The following PRR12 variants were observed in gnomAD, a reference collection of about 807,000 sequenced individuals.
PRR12 encodes proline-rich protein 12.
Under a neutral mutation model 138.0 loss-of-function variants are expected in PRR12, and 12 were observed. The observed-to-expected ratio is 0.09, with a 90% CI of 0.06 to 0.14. The LOEUF is 0.14. Among genes scored for constraint, PRR12 ranks in the 10% least tolerant of loss-of-function variants. The pLI is 1.00. For missense variants in PRR12, 2,692 were observed against 2,861.3 expected (o/e 0.94, Z 1.35); for synonymous variants, 1,567 against 1,291.7 (o/e 1.21, Z -4.57).
intron 6 of PRR12, among the ~76,000 whole-genome samples, chr19:49,605,287 TG>T (rs1219293370): frequency 6.6e-6 from 1 of 151,850 alleles, no homozygotes; most frequent in Non-Finnish European, 1.5e-5. Context: ...TTTGAGATAG[TG>T]TTTCGCTCTT....
At position 49,615,781 on chromosome 19, in the gene PRR12, G is replaced by A. The variant is rs1186159489; in HGVS notation, c.5059G>A (p.Gly1687Arg). 1 of 1,613,006 alleles carries A rather than the reference G, an allele frequency of 6.2e-7. No homozygotes were observed. The highest frequency in any genetic ancestry group is 1.7e-5 in the Admixed American group (1 of 59,872). ...GCAGGCCAAGAACCCCGTATCTGCTGGGGGTAGCTCTGCACCTCCCCCTAA... is the reference window on the plus strand; with the variant it reads ...GCAGGCCAAGAACCCCGTATCTGCTAGGGGTAGCTCTGCACCTCCCCCTAA... ...SGQAKNPVSA[G>R]GSSAPPPKAP... Residue 1687 changes from glycine to arginine, a missense_variant, in exon 9 of 14, where the codon GGG becomes AGG. Around this residue, in one of 11 missense-constraint regions of PRR12, gnomAD observed 259 missense variants for 265.1 expected, o/e 0.98. Transcript: ENST00000418929.
At chr19:49,592,035 C>T (rs2080731433) in intron 1 of PRR12, among the ~76,000 whole-genome samples, 1 of 152,162 alleles carries the variant, frequency 6.6e-6, no homozygotes, top group Non-Finnish European at 1.5e-5. Context: ...GAAGCAAGGC[C>T]TGGACTTCCC....
At position 49,625,276 on chromosome 19, in the gene PRR12, G is replaced by A. The variant is rs1040494686; in HGVS notation, c.5964+76G>A. On this transcript the variant is annotated intron_variant, in intron 13 of 13. Coordinates refer to ENST00000418929, the MANE Select transcript of PRR12 (RefSeq NM_020719.3). The surrounding 1 kb of genome is among the most constrained non-coding windows in gnomAD (Gnocchi z 5.5). ...TTCCTCTTGGGATCTGAGGGTCCAA[G>A]CCCAGCCCCATCCTGCCTCAGACCC... 3 of 1,530,208 alleles carry A rather than the reference G, an allele frequency of 2.0e-6. No homozygotes were observed. The highest frequency in any genetic ancestry group is 2.7e-5 in the African/African-American group (2 of 72,738). The allele number at this position is 1,530,208 out of a possible 1,614,324, so 94.8% of individuals were successfully genotyped here.
At chr19:49,600,028 G>T in intron 5 of PRR12, 90 bp downstream of exon 5, 1 of 1,321,674 alleles carries the variant, frequency 7.6e-7, no homozygotes. Flanking sequence ...CTGTTTAAGA[G>T]ACACCATTCA....
chr19:49,612,121 T>C (rs1210830044), intron 6 of PRR12, among the ~76,000 whole-genome samples: 1 of 149,536 alleles, frequency 6.7e-6, no homozygotes, highest in African/African-American at 2.5e-5. Flanking sequence ...GTCCCAGCTA[T>C]TCGGGAGGCT....
At chr19:49,612,183 T>G (rs1448581753) in intron 6 of PRR12, among the ~76,000 whole-genome samples, 5 of 149,260 alleles carry the variant, frequency 3.3e-5, no homozygotes, top group Non-Finnish European at 7.4e-5. Context: ...TGAGCCGAGA[T>G]TGCGCCACTG....
chr19:49,602,047 C>A, intron 6 of PRR12, 129 bp downstream of exon 6: 1 of 1,177,134 alleles, frequency 8.5e-7, no homozygotes, highest in Non-Finnish European at 1.2e-6. Flanking sequence ...CTGGAATTTG[C>A]AGTCCTATGG....
intron 6 of PRR12, among the ~76,000 whole-genome samples, chr19:49,611,482 C>T (rs2080865565): frequency 6.6e-6 from 1 of 151,606 alleles, no homozygotes; most frequent in Non-Finnish European, 1.5e-5. Context: ...ACTAAAACTA[C>T]AAAAGATTAG....
Position 49,614,785 on chromosome 19 carries a change from G to A in PRR12, c.4891-91G>A. On this transcript the variant is annotated intron_variant, in intron 7 of 13. Transcript: ENST00000418929. The surrounding 1 kb of genome is among the most constrained non-coding windows in gnomAD (Gnocchi z 5.0). ...GCCCCCTGCTGCCGGCAGGCTCCAAGCAGCTGCCATGGTGGCCCAGGGCAC... is the reference window on the plus strand; with the variant it reads ...GCCCCCTGCTGCCGGCAGGCTCCAAACAGCTGCCATGGTGGCCCAGGGCAC... 1 of 1,578,316 alleles carries A rather than the reference G, an allele frequency of 6.3e-7. No individual in the cohort carries two copies. The highest frequency in any genetic ancestry group is 8.7e-7 in the Non-Finnish European group (1 of 1,153,334).
intron 6 of PRR12, among the ~76,000 whole-genome samples, chr19:49,611,181 G>A (rs570757435): frequency 4.2e-4 from 64 of 152,212 alleles, no homozygotes; most frequent in African/African-American, 1.5e-3. Flanking sequence ...AAATTATCCA[G>A]GAGTGGTGGC....
Position 49,593,354 on chromosome 19 carries a change from G to C in PRR12, c.114G>C (p.Ser38=), listed in dbSNP as rs368178393. 6.2e-7 allele frequency: 1 copy of C among 1,606,528 alleles called. No homozygotes were observed. Among genetic ancestry groups the C allele is most frequent in the Non-Finnish European group, 8.5e-7 (1 of 1,177,470 alleles). The change falls in exon 2 of 14, where the codon TCG becomes TCC. Residue 38 remains serine, a synonymous_variant. Coordinates refer to ENST00000418929, the MANE Select transcript of PRR12 (RefSeq NM_020719.3). ...TGGTTTATGGCAGCTCCAGGACCTC[G>C]CACCCCGAGACGGACATCTTACACC... ...ASLVYGSSRT[S]HPETDILHRQ...
intron 6 of PRR12, among the ~76,000 whole-genome samples, chr19:49,608,770 G>T (rs1310106350): frequency 6.6e-6 from 1 of 151,922 alleles, no homozygotes; most frequent in African/African-American, 2.4e-5. Flanking sequence ...AGCCCAGGAA[G>T]TTGATGTTGT....
intron 9 of PRR12, among the ~76,000 whole-genome samples, chr19:49,619,170 A>C (rs2080907500): frequency 6.6e-6 from 1 of 151,168 alleles, no homozygotes; most frequent in Non-Finnish European, 1.5e-5. Flanking sequence ...GCTATCACTC[A>C]AGGCTCAGCC....
At position 49,601,590 on chromosome 19, in the gene PRR12, T is replaced by A; in HGVS notation, c.4445T>A (p.Leu1482Gln). 1 of 1,364,114 alleles carries A rather than the reference T, an allele frequency of 7.3e-7. No homozygotes were observed. The highest frequency in any genetic ancestry group is 9.6e-7 in the Non-Finnish European group (1 of 1,036,970). 84.5% of individuals were successfully genotyped at this position (1,364,114 alleles called of 1,614,324 possible). Residue 1482 changes from leucine to glutamine, a missense_variant, in exon 6 of 14, where the codon CTG becomes CAG. This residue lies in a region of PRR12 where 231 missense variants were observed against 200.8 expected (regional missense o/e 1.15). Transcript: ENST00000418929. ...PPPPPPPQPA[L>Q]PSPPPLVAPT... is the part of the protein sequence containing the mutation. ...CCCCCTCCGCCGCCACAGCCAGCCC[T>A]GCCCTCGCCACCCCCGCTGGTGGCC...
Position 49,597,350 on chromosome 19 carries a change from A to C in PRR12, c.3015A>C (p.Thr1005=). 6.5e-7 allele frequency: 1 copy of C among 1,539,816 alleles called. No homozygotes were observed. The highest frequency in any genetic ancestry group is 8.7e-7 in the Non-Finnish European group (1 of 1,147,118). ...PGRASGAGPE[T]PGLGLDPNKP... is the part of the protein sequence containing the mutation. ...GGGCGTCGGGAGCCGGGCCCGAGAC[A>C]CCGGGCCTGGGCCTGGACCCCAACA... The change falls in exon 4 of 14, where the codon ACA becomes ACC. Residue 1005 remains threonine, a synonymous_variant. Transcript: ENST00000418929. The surrounding 1 kb of genome is among the most constrained non-coding windows in gnomAD (Gnocchi z 6.3).
In PRR12 at chr19:49,594,879, C is replaced by A. The variant is rs764760496; in HGVS notation, c.544C>A (p.Leu182Ile). 1.3e-5 allele frequency: 21 copies of A among 1,611,258 alleles called. No individual in the cohort carries two copies. The highest frequency in any genetic ancestry group is 1.8e-5 in the Non-Finnish European group (21 of 1,178,998). ...DPPFSPPANG[L>I]LSPHDVLHLK... is the part of the protein sequence containing the mutation. ...CCCATTCAGCCCTCCAGCTAACGGGCTCCTGTCCCCTCATGACGTGCTGCA... is the reference window on the plus strand; with the variant it reads ...CCCATTCAGCCCTCCAGCTAACGGGATCCTGTCCCCTCATGACGTGCTGCA... Residue 182 changes from leucine to isoleucine, a missense_variant, in exon 4 of 14, where the codon CTC becomes ATC. Transcript: ENST00000418929. The surrounding 1 kb of genome is among the most constrained non-coding windows in gnomAD (Gnocchi z 5.6).
chr19:49,605,583 C>T lies in PRR12; in HGVS notation c.4773+3665C>T, dbSNP rs186037774. On this transcript the variant is annotated intron_variant, in intron 6 of 13. Coordinates refer to ENST00000418929, the MANE Select transcript of PRR12 (RefSeq NM_020719.3). ...AGCCAGGAACCCATATTCTTATCCC[C>T]GACTCAGCCATGCACCGTGTACGTT... is the stretch of plus-strand genomic sequence containing the variant. 9.8e-5 allele frequency among the ~76,000 whole-genome samples: 15 copies of T among 152,342 alleles called. No homozygotes were observed. The East Asian group carries it at 2.7e-3, about 27-fold the overall frequency.
At position 49,622,942 on chromosome 19, in the gene PRR12, G is replaced by A. The variant is rs1231976454; in HGVS notation, c.5721+1320G>A. 1.1e-4 allele frequency among the ~76,000 whole-genome samples: 13 copies of A among 118,692 alleles called. No homozygotes were observed. In the East Asian group the frequency reaches 2.7e-3, roughly 24 times the overall value. The allele number at this position is 118,692 out of a possible 152,430, so 77.9% of individuals were successfully genotyped here. A position where few individuals can be genotyped will look rare whatever the true frequency, so the allele number is the denominator to read the frequency against. ...ATATATATATATAGAGAGAGAGAGA[G>A]AGAGAGAGAGAGAGAAAGAGAGAGA... On this transcript the variant is annotated intron_variant, in intron 11 of 13. Transcript: ENST00000418929.
At chr19:49,592,565 C>T (rs2080735879) in intron 1 of PRR12, among the ~76,000 whole-genome samples, 1 of 152,026 alleles carries the variant, frequency 6.6e-6, no homozygotes, top group Non-Finnish European at 1.5e-5. Context: ...CCCAGCACCT[C>T]CCCCCCAACA....
Sources: gnomAD v4.1 joint callset for allele counts (sites outside exome capture counted in the v4.1 genomes callset) on GRCh38, gnomAD v4.1.1 for gene constraint, gnomAD v4.1.1 regional missense constraint, Gnocchi (gnomAD v3.1) non-coding constraint, MANE v1.5 for transcripts, NCBI Gene and HGNC (gene_info 2026-07-23, HGNC 2026-07-21) for gene names.